The following SMOC2 variants were observed in gnomAD, a reference collection of about 807,000 sequenced individuals.
SMOC2 encodes the protein SPARC related modular calcium binding 2.
In SMOC2, 39 loss-of-function variants were observed where a neutral mutation model predicts 61.4. The ratio of observed to expected loss-of-function variants is 0.64; its 90% CI spans 0.49 to 0.83. The LOEUF (loss-of-function observed/expected upper bound fraction) is 0.83, where lower values mean the gene tolerates loss of function less well. Among genes scored for constraint, SMOC2 ranks in the 40% least tolerant of loss-of-function variants. The pLI is 0.00. For synonymous variants in SMOC2, 247 were observed against 239.9 expected, an observed-to-expected ratio of 1.03 and a Z score of -0.27; for missense variants, 556 against 592.9, an observed-to-expected ratio of 0.94 and a Z score of 0.65.
At chr6:168,652,868 G>C in intron 10 of SMOC2, 86 bp from the exon 11 acceptor site, 2 of 1,276,782 alleles carry the variant, frequency 1.6e-6, no homozygotes, top group Non-Finnish European at 2.2e-6. Flanking sequence ...CTACAAGCAG[G>C]GGTTATGGGT....
rs571757416 is a variant in SMOC2 at position 168,600,677 on chromosome 6, G to C, written c.824+1673G>C. The stretch of plus-strand genomic sequence containing the variant: ...AGCTTCCTTCTGCTCCTGGTTTTGG[G>C]AAAGGGAGCTCAGCATTTCATAAAG... On this transcript the variant is annotated intron_variant, in intron 8 of 12. Coordinates refer to ENST00000356284, the MANE Select transcript of SMOC2 (RefSeq NM_001166412.2). Among the ~76,000 whole-genome samples, 5 of 152,336 alleles carry C rather than the reference G, an allele frequency of 3.3e-5. No individual in the cohort carries two copies. The South Asian group carries it at 1.0e-3, about 32-fold the overall frequency.
intron 1 of SMOC2, among the ~76,000 whole-genome samples, chr6:168,497,581 A>C (rs1034913057): frequency 6.6e-6 from 1 of 152,114 alleles, no homozygotes; most frequent in African/African-American, 2.4e-5. Context: ...GCAGGTTCCT[A>C]GGAGTCCTGA....
In SMOC2 at chr6:168,452,506, A is replaced by G. The variant is rs1369479274; in HGVS notation, c.84+11052A>G. Among the ~76,000 whole-genome samples, 1 of 152,206 alleles carries G rather than the reference A, an allele frequency of 6.6e-6. No homozygotes were observed. The highest frequency in any genetic ancestry group is 1.5e-5 in the Non-Finnish European group (1 of 68,040). On this transcript the variant is annotated intron_variant, in intron 1 of 12. Coordinates refer to ENST00000356284, the MANE Select transcript of SMOC2 (RefSeq NM_001166412.2). The surrounding 1 kb of genome is among the most constrained non-coding windows in gnomAD (Gnocchi z 5.0). ...TCGCTTAACTTATTTTATTTGCTAA[A>G]TGAATATTATATTTCAGTGTTCTCC...
intron 7 of SMOC2, among the ~76,000 whole-genome samples, chr6:168,566,972 G>C (rs1484903856): frequency 6.6e-6 from 1 of 152,164 alleles, no homozygotes; most frequent in Non-Finnish European, 1.5e-5. Flanking sequence ...CCTTATTTAT[G>C]ATTAAATCCT....
chr6:168,611,309 TCTGGCCCTGCTCTGGTTCC>T (rs1785857269), intron 9 of SMOC2, among the ~76,000 whole-genome samples: 1 of 46,390 alleles, frequency 2.2e-5, no homozygotes, highest in Non-Finnish European at 4.5e-5. Flanking sequence ...GGCTCCCATG[TCTGGCCCTGCTCTGGTTCC>T]CATGTCCGGG....
intron 7 of SMOC2, among the ~76,000 whole-genome samples, chr6:168,559,222 A>G (rs913560841): frequency 6.6e-6 from 1 of 152,130 alleles, no homozygotes; most frequent in African/African-American, 2.4e-5. Flanking sequence ...TTGGGAGGCC[A>G]AGGTGGGTGG....
At chr6:168,625,310 C>G (rs1435247937) in intron 9 of SMOC2, among the ~76,000 whole-genome samples, 6 of 152,168 alleles carry the variant, frequency 3.9e-5, no homozygotes, top group Non-Finnish European at 7.3e-5. Context: ...CTTCCTGGAG[C>G]CTGCTGGGGT....
At chr6:168,502,535 G>A (rs1782754853) in intron 1 of SMOC2, among the ~76,000 whole-genome samples, 1 of 152,106 alleles carries the variant, frequency 6.6e-6, no homozygotes, top group African/African-American at 2.4e-5. Context: ...TTTGCTCTTG[G>A]TTTTAAGGTC....
rs1398872687 is a variant in SMOC2 at position 168,453,637 on chromosome 6, T to C, written c.84+12183T>C. On this transcript the variant is annotated intron_variant, in intron 1 of 12. Transcript: ENST00000356284. The surrounding 1 kb of genome is among the most constrained non-coding windows in gnomAD (Gnocchi z 4.4). ...CTTCCTGTCTCTGTCTCTTTGTCTC[T>C]CTCTGTCTCTTTCTCTCTGTCTCTT... Among the ~76,000 whole-genome samples, 1 of 151,890 alleles carries C rather than the reference T, an allele frequency of 6.6e-6. No homozygotes were observed. Among genetic ancestry groups the C allele is most frequent in the Non-Finnish European group, 1.5e-5 (1 of 67,888 alleles).
At chr6:168,560,409 GACAA>G (rs1275531422) in intron 7 of SMOC2, among the ~76,000 whole-genome samples, 3 of 152,260 alleles carry the variant, frequency 2.0e-5, no homozygotes, top group African/African-American at 4.8e-5. Context: ...CATGGTTACT[GACAA>G]ACAGTCTTCA....
At chr6:168,471,899 T>C (rs1463532544) in intron 1 of SMOC2, among the ~76,000 whole-genome samples, 1 of 152,222 alleles carries the variant, frequency 6.6e-6, no homozygotes, top group Non-Finnish European at 1.5e-5. Context: ...ATTGGGTTAT[T>C]TTTGTTGTTG....
At chr6:168,574,346 G>A (rs1784744052) in intron 7 of SMOC2, among the ~76,000 whole-genome samples, 2 of 152,218 alleles carry the variant, frequency 1.3e-5, no homozygotes, top group Non-Finnish European at 2.9e-5. Context: ...CAGGGCTGAG[G>A]CAGCAGGCCG....
rs140347762 is a variant in SMOC2 at position 168,452,079 on chromosome 6, G to A, written c.84+10625G>A. Among the ~76,000 whole-genome samples the A allele has an allele frequency of 4.6e-5, 7 of 152,310 alleles. No homozygotes were observed. The highest frequency in any genetic ancestry group is 1.0e-4 in the Non-Finnish European group (7 of 68,032). On this transcript the variant is annotated intron_variant, in intron 1 of 12. Transcript: ENST00000356284. The surrounding 1 kb of genome is among the most constrained non-coding windows in gnomAD (Gnocchi z 5.0). ...TTTTAGGGGAGGGTCGCATGGTGGG[G>A]TCTGGGGTTACCACCACCAGCAAAG...
At chr6:168,447,586 G>T (rs1314237595) in intron 1 of SMOC2, among the ~76,000 whole-genome samples, 1 of 152,166 alleles carries the variant, frequency 6.6e-6, no homozygotes, top group African/African-American at 2.4e-5. Flanking sequence ...GCCGAGGGCA[G>T]ACATTTTTGG....
intron 1 of SMOC2, among the ~76,000 whole-genome samples, chr6:168,491,024 A>G (rs940490013): frequency 2.6e-5 from 4 of 151,858 alleles, no homozygotes; most frequent in Admixed American, 6.6e-5. Context: ...TTTCTGCATC[A>G]TCTTGTGCAA....
chr6:168,509,304 C>T (rs936697523), intron 1 of SMOC2, among the ~76,000 whole-genome samples: 2 of 152,214 alleles, frequency 1.3e-5, no homozygotes, highest in African/African-American at 4.8e-5. Context: ...GAGAAATACA[C>T]AAGCTTCCTC....
At chr6:168,567,896 CT>C (rs1784578546) in intron 7 of SMOC2, among the ~76,000 whole-genome samples, 1 of 150,838 alleles carries the variant, frequency 6.6e-6, no homozygotes, top group Non-Finnish European at 1.5e-5. Context: ...AGATGAGCAA[CT>C]ACAGGCAAAG....
chr6:168,531,316 A>G (rs1481220710), intron 4 of SMOC2, among the ~76,000 whole-genome samples: 2 of 152,232 alleles, frequency 1.3e-5, no homozygotes, highest in African/African-American at 2.4e-5. Flanking sequence ...GTGTACATTT[A>G]TCTTTTGTGC....
chr6:168,537,877 C>A (rs1383787216), intron 4 of SMOC2, among the ~76,000 whole-genome samples: 2 of 152,218 alleles, frequency 1.3e-5, no homozygotes, highest in African/African-American at 4.8e-5. Context: ...GGAGGGGCAC[C>A]TGGGGACAGT....
Sources: allele counts gnomAD v4.1 joint callset (sites outside exome capture counted in the v4.1 genomes callset), GRCh38; gene constraint gnomAD v4.1.1; non-coding constraint Gnocchi (gnomAD v3.1); transcripts MANE v1.5; gene names NCBI Gene and HGNC (gene_info 2026-07-23, HGNC 2026-07-21).